EXOSC3: variants seen among roughly 807,000 people sequenced by gnomAD.
EXOSC3 encodes the protein exosome complex component RRP40.
Under a neutral mutation model 25.1 loss-of-function variants are expected in EXOSC3, and 18 were observed. The ratio of observed to expected loss-of-function variants is 0.72; its 90% CI spans 0.50 to 1.06. The LOEUF (loss-of-function observed/expected upper bound fraction) is 1.06. EXOSC3 is among the 50% of genes least tolerant of loss of function. The pLI is 0.00. For synonymous variants in EXOSC3, 165 were observed against 132.2 expected (o/e 1.25, Z -1.70); for missense variants, 382 against 350.9 (o/e 1.09, Z -0.71).
At chr9:37,783,771 A>G in intron 2 of EXOSC3, 143 bp downstream of exon 2, 1 of 672,048 alleles carries the variant, frequency 1.5e-6, no homozygotes, top group Non-Finnish European at 2.3e-6. Context: ...GCATCTGAAG[A>G]AACTCTTGGA....
intron 1 of EXOSC3, 89 bp downstream of exon 1, chr9:37,784,632 C>G (rs1648800643): frequency 7.2e-7 from 1 of 1,394,342 alleles, no homozygotes; most frequent in South Asian, 1.5e-5. Context: ...AAAAGAGGGC[C>G]TCAGGGTCCC....
At chr9:37,782,184 G>T in intron 2 of EXOSC3, 47 bp from the exon 3 acceptor site, 3 of 1,602,192 alleles carry the variant, frequency 1.9e-6, no homozygotes, top group Non-Finnish European at 2.6e-6. Context: ...GCAAACTACA[G>T]GTGCTACTAT....
At chr9:37,784,511 G>A (rs1589061140) in intron 1 of EXOSC3, 1 of 621,284 alleles carries the variant, frequency 1.6e-6, no homozygotes, top group East Asian at 2.8e-5. Flanking sequence ...GTCTCCAAAC[G>A]TTTTTCTCTC....
Position 37,784,777 on chromosome 9 carries a change from C to T in EXOSC3, c.268G>A (p.Glu90Lys). ...VTKCGRLRHKEPGSGSGGGVY... is the reference protein window; with the variant it reads ...VTKCGRLRHKKPGSGSGGGVY... ...CCGCCGCCGCTGCCACTGCCGGGCT[C>T]CTTGTGACGGAGGCGGCCGCACTTG... is the stretch of plus-strand genomic sequence containing the variant. Residue 90 changes from glutamate to lysine, a missense_variant, in exon 1 of 4, where the codon GAG becomes AAG. By Grantham distance (56) the Glu-to-Lys change is moderately conservative (BLOSUM62 1). Transcript: ENST00000327304. 1 of 1,607,194 alleles carries T rather than the reference C, an allele frequency of 6.2e-7. No individual in the cohort carries two copies. The highest frequency in any genetic ancestry group is 8.5e-7 in the Non-Finnish European group (1 of 1,178,800).
Position 37,780,893 on chromosome 9 carries a change from G to A in EXOSC3, c.627-13C>T. 6.2e-7 allele frequency: 1 copy of A among 1,607,550 alleles called. No individual in the cohort carries two copies. On this transcript the variant is annotated splice_polypyrimidine_tract_variant and intron_variant, in intron 3 of 3. Transcript: ENST00000327304. The stretch of plus-strand genomic sequence containing the variant: ...TGGAGCTAATAGCCTGGTGGGAAGA[G>A]AAAAGAAAATGAAATTTAATGAAGT...
intron 2 of EXOSC3, 96 bp from the exon 3 acceptor site, chr9:37,782,233 G>C (rs888604116): frequency 7.5e-7 from 1 of 1,330,816 alleles, no homozygotes; most frequent in Non-Finnish European, 1.1e-6. Context: ...GCCACCTACA[G>C]TTCTGTGGCT....
intron 3 of EXOSC3, 107 bp from the exon 4 acceptor site, chr9:37,780,987 A>G: frequency 1.1e-6 from 1 of 913,106 alleles, no homozygotes; most frequent in Non-Finnish European, 1.6e-6. Context: ...ATAGCTGTTC[A>G]ACAAGAACAA....
At position 37,780,735 on chromosome 9, in the gene EXOSC3, C is replaced by A; in HGVS notation, c.772G>T (p.Glu258Ter). The A allele has an allele frequency of 6.2e-7, 1 of 1,613,976 alleles. No homozygotes were observed. The highest frequency in any genetic ancestry group is 1.1e-5 in the South Asian group (1 of 91,078). The change falls in exon 4 of 4, where the codon GAA (glutamate) becomes TAA (stop). Residue 258 changes from glutamate (E) to a stop codon, truncating the protein, a stop_gained. Transcript: ENST00000327304. LOFTEE classifies it high-confidence loss of function. ...LILANILEACEHMTSDQRKQI... is the reference protein window; with the variant it reads ...LILANILEAC ...TTTCTTTGATCTGACGTCATGTGTT[C>A]ACAAGCTTCTAAAATGTTTGCCAAA...
chr9:37,782,395 C>T (rs1828615560), intron 2 of EXOSC3, among the ~76,000 whole-genome samples: 3 of 152,162 alleles, frequency 2.0e-5, no homozygotes, highest in Admixed American at 2.0e-4. Context: ...TTGCACTGTC[C>T]AATATGGTAG....
chr9:37,784,956 G>A lies in EXOSC3; in HGVS notation c.89C>T (p.Pro30Leu). Reference protein sequence around the residue: ...ARTVLGQVVLPGEELLLPEQE... With the variant: ...ARTVLGQVVLLGEELLLPEQE... ...TTCCGGCAGGAGCAGCTCCTCACCC[G>A]GGAGCACCACCTGACCTAGTACTGT... The change falls in exon 1 of 4, where the codon CCG becomes CTG. Residue 30 changes from proline to leucine, a missense_variant. Coordinates refer to ENST00000327304, the MANE Select transcript of EXOSC3 (RefSeq NM_016042.4). 3.1e-6 allele frequency: 5 copies of A among 1,612,972 alleles called. No homozygotes were observed. The highest frequency in any genetic ancestry group is 4.2e-6 in the Non-Finnish European group (5 of 1,179,776).
In EXOSC3 at chr9:37,784,975, G is replaced by C. The variant is rs1270605620; in HGVS notation, c.70C>G (p.Leu24Val). ...TCACCCGGGAGCACCACCTGACCTA[G>C]TACTGTGCGTGCAGCGCGCGCCCTG... ...GSRARAARTVLGQVVLPGEEL... is the reference protein window; with the variant it reads ...GSRARAARTVVGQVVLPGEEL... The change falls in exon 1 of 4, where the codon CTA becomes GTA. Residue 24 changes from leucine (L) to valine (V), a missense_variant. Coordinates refer to ENST00000327304, the MANE Select transcript of EXOSC3 (RefSeq NM_016042.4). 1.2e-6 allele frequency: 2 copies of C among 1,612,554 alleles called. No individual in the cohort carries two copies. Among genetic ancestry groups the C allele is most frequent in the Non-Finnish European group, 1.7e-6 (2 of 1,179,704 alleles).
In EXOSC3 at chr9:37,785,021, C is replaced by A. The variant is rs755145404; in HGVS notation, c.24G>T (p.Ala8=). MAEPASV[A]AESLAGSRAR... is the part of the protein sequence containing the mutation. ...CCCTGCTGCCCGCGAGAGATTCAGC[C>A]GCGACAGACGCAGGTTCGGCCATCG... The change falls in exon 1 of 4, where the codon GCG becomes GCT. Residue 8 remains alanine, a synonymous_variant. Transcript: ENST00000327304. 12 of 1,600,898 alleles carry A rather than the reference C, an allele frequency of 7.5e-6. No homozygotes were observed. In the African/African-American group the frequency reaches 1.6e-4, roughly 21 times the overall value.
At position 37,783,969 on chromosome 9, in the gene EXOSC3, G is replaced by C. The variant is rs778372165; in HGVS notation, c.419C>G (p.Ser140Cys). The C allele has an allele frequency of 2.5e-6, 4 of 1,613,644 alleles. No individual in the cohort carries two copies. The highest frequency in any genetic ancestry group is 3.4e-6 in the Non-Finnish European group (4 of 1,179,966). ...ACCTTCAAATGACAAGTAAGACAAAGAAGCTGGCTCACTCCCTCCAACATC... is the reference window on the plus strand; with the variant it reads ...ACCTTCAAATGACAAGTAAGACAAACAAGCTGGCTCACTCCCTCCAACATC... ...KVDVGGSEPASLSYLSFEGAT... is the reference protein window; with the variant it reads ...KVDVGGSEPACLSYLSFEGAT... Residue 140 changes from serine to cysteine, a missense_variant, in exon 2 of 4, where the codon TCT becomes TGT. Coordinates refer to ENST00000327304, the MANE Select transcript of EXOSC3 (RefSeq NM_016042.4).
At chr9:37,783,804 C>T in intron 2 of EXOSC3, 110 bp downstream of exon 2, 1 of 1,173,192 alleles carries the variant, frequency 8.5e-7, no homozygotes, top group Non-Finnish European at 1.2e-6. Flanking sequence ...TATATACAAG[C>T]TCAGAGATCT....
chr9:37,782,280 T>G, intron 2 of EXOSC3, 143 bp from the exon 3 acceptor site: 2 of 800,704 alleles, frequency 2.5e-6, no homozygotes, highest in South Asian at 3.7e-5. Context: ...CCACAGTCAC[T>G]TTGGAGTTGA....
chr9:37,782,211 G>A (rs1378409009), intron 2 of EXOSC3, 74 bp from the exon 3 acceptor site: 1 of 1,516,372 alleles, frequency 6.6e-7, no homozygotes. Context: ...TTTCTCACAG[G>A]CATCAATGCC....
At chr9:37,780,984 T>C in intron 3 of EXOSC3, 104 bp from the exon 4 acceptor site, 3 of 969,620 alleles carry the variant, frequency 3.1e-6, no homozygotes, top group Non-Finnish European at 4.5e-6. Flanking sequence ...TCCATAGCTG[T>C]TCAACAAGAA....
In EXOSC3 at chr9:37,780,385, T is replaced by A. The variant is rs967378619; in HGVS notation, c.*294A>T. 3.2e-6 allele frequency: 1 copy of A among 313,776 alleles called. No individual in the cohort carries two copies. Among genetic ancestry groups the A allele is most frequent in the Non-Finnish European group, 5.9e-6 (1 of 168,444 alleles). 19.4% of individuals were successfully genotyped at this position (313,776 alleles called of 1,614,324 possible). A position where few individuals can be genotyped will look rare whatever the true frequency, so the allele number is the denominator to read the frequency against. On this transcript the variant is annotated 3_prime_UTR_variant, in exon 4 of 4. Transcript: ENST00000327304. ...TGTTATAATCACAAAATTATTTTAC[T>A]GCTGACCTCCAGTTAATTATGGAAG...
At position 37,780,995 on chromosome 9, in the gene EXOSC3, C is replaced by G. The variant is rs552385358; in HGVS notation, c.627-115G>C. On this transcript the variant is annotated intron_variant, in intron 3 of 3. Transcript: ENST00000327304. The stretch of plus-strand genomic sequence containing the variant: ...GTTCTCCATAGCTGTTCAACAAGAA[C>G]AAGGCACGTGATGACATTTGCTGCC... 499 of 846,944 alleles carry G rather than the reference C, an allele frequency of 5.9e-4. 6 individuals carry two copies. Among genetic ancestry groups the G allele is most frequent in the South Asian group, 2.5e-3 (142 of 57,096 alleles). The allele number at this position is 846,944 out of a possible 1,614,324, so 52.5% of individuals were successfully genotyped here. A position where few individuals can be genotyped will look rare whatever the true frequency, so the allele number is the denominator to read the frequency against.
Sources: allele counts gnomAD v4.1 joint callset (sites outside exome capture counted in the v4.1 genomes callset), GRCh38; gene constraint gnomAD v4.1.1; transcripts MANE v1.5; gene names NCBI Gene and HGNC (gene_info 2026-07-23, HGNC 2026-07-21).